CAMTA1: variants seen among roughly 807,000 people sequenced by gnomAD.
CAMTA1 encodes calmodulin-binding transcription activator 1.
Under a neutral mutation model 170.9 loss-of-function variants are expected in CAMTA1, and 27 were observed. The observed-to-expected ratio is 0.16, with a 90% CI of 0.12 to 0.22. The LOEUF (loss-of-function observed/expected upper bound fraction) is 0.22, where lower values mean the gene tolerates loss of function less well. Ranked by LOEUF, CAMTA1 falls within the 10% of genes least tolerant of loss-of-function variation. The pLI is 1.00. For missense variants in CAMTA1, 1,619 were observed against 2,217.2 expected (o/e 0.73, Z 5.42); for synonymous variants, 833 against 891.5 (o/e 0.93, Z 1.17).
intron 3 of CAMTA1, among the ~76,000 whole-genome samples, chr1:7,000,967 C>G (rs1276345765): frequency 6.6e-6 from 1 of 152,122 alleles, no homozygotes; most frequent in Admixed American, 6.5e-5. Flanking sequence ...TTTAAGAAAC[C>G]CAGTTCCCAC....
Position 7,041,197 on chromosome 1 carries a change from C to T in CAMTA1, c.235-50107C>T, listed in dbSNP as rs35031503. Among the ~76,000 whole-genome samples the T allele has an allele frequency of 0.19, 28,644 of 152,252 alleles. 2,929 individuals carry two copies. Among genetic ancestry groups the T allele is most frequent in the Non-Finnish European group, 0.24 (16,661 of 68,010 alleles). ...AGCCACCCTTGGTTCATTTTCTACA[C>T]GAGGCCCCACACGGCCCCGGAGCTG... On this transcript the variant is annotated intron_variant, in intron 3 of 22. Coordinates refer to ENST00000303635, the MANE Select transcript of CAMTA1 (RefSeq NM_015215.4). The surrounding 1 kb of genome is among the most constrained non-coding windows in gnomAD (Gnocchi z 5.1).
intron 4 of CAMTA1, among the ~76,000 whole-genome samples, chr1:7,138,754 G>A (rs1313336242): frequency 6.6e-6 from 1 of 152,046 alleles, no homozygotes; most frequent in African/African-American, 2.4e-5. Context: ...CAGCACTTTG[G>A]GAGACCAAGG....
chr1:6,842,885 T>C (rs530437285), intron 3 of CAMTA1, among the ~76,000 whole-genome samples: 9 of 151,636 alleles, frequency 5.9e-5, no homozygotes, highest in African/African-American at 1.9e-4. Context: ...GGTCGTGCCA[T>C]TGCACTCCAG....
chr1:7,705,499 A>G (rs1268175844), intron 11 of CAMTA1, among the ~76,000 whole-genome samples: 2 of 141,622 alleles, frequency 1.4e-5, no homozygotes, highest in Admixed American at 6.9e-5. Context: ...GAGGGCGGGG[A>G]CGAGCGTGTC....
intron 7 of CAMTA1, among the ~76,000 whole-genome samples, chr1:7,643,525 A>C (rs898601209): frequency 6.6e-6 from 1 of 152,180 alleles, no homozygotes; most frequent in African/African-American, 2.4e-5. Context: ...CTGCCCATCC[A>C]TCAGACAGGA....
chr1:6,954,013 C>T (rs951490485), intron 3 of CAMTA1, among the ~76,000 whole-genome samples: 1 of 152,180 alleles, frequency 6.6e-6, no homozygotes, highest in African/African-American at 2.4e-5. Flanking sequence ...GAGGGACGCT[C>T]AGGCCCCTGC....
intron 3 of CAMTA1, among the ~76,000 whole-genome samples, chr1:7,049,240 G>A (rs1033161926): frequency 3.9e-5 from 6 of 152,122 alleles, no homozygotes; most frequent in Non-Finnish European, 7.4e-5. Flanking sequence ...AGAGGAAACT[G>A]CCCAGTCAGA....
At chr1:7,405,558 G>C (rs2090227677) in intron 5 of CAMTA1, among the ~76,000 whole-genome samples, 1 of 151,440 alleles carries the variant, frequency 6.6e-6, no homozygotes, top group African/African-American at 2.4e-5. Context: ...TTTTTTTAGA[G>C]ACAGGGGATC....
At chr1:7,369,976 C>T (rs920040912) in intron 5 of CAMTA1, 7 of 152,286 alleles carry the variant, frequency 4.6e-5, no homozygotes, top group African/African-American at 1.7e-4. Context: ...CTTCTCACCC[C>T]GGGTCAAGGT....
At chr1:7,398,156 T>TCG (rs2089486249) in intron 5 of CAMTA1, among the ~76,000 whole-genome samples, 4 of 23,666 alleles carry the variant, frequency 1.7e-4, no homozygotes, top group African/African-American at 3.9e-4. Context: ...ATAATATTGC[T>TCG]CTCTCTCTCT....
intron 3 of CAMTA1, among the ~76,000 whole-genome samples, chr1:6,921,311 T>G (rs1681960137): frequency 6.6e-6 from 1 of 152,232 alleles, no homozygotes; most frequent in Non-Finnish European, 1.5e-5. Context: ...TCACCTTTAT[T>G]CCAATTCCCA....
chr1:7,084,753 G>A (rs1278738445), intron 3 of CAMTA1, among the ~76,000 whole-genome samples: 1 of 152,184 alleles, frequency 6.6e-6, no homozygotes, highest in Non-Finnish European at 1.5e-5. Flanking sequence ...CCAGTACGGC[G>A]GCCATGTGTG....
chr1:7,440,030 C>T (rs1193226), intron 5 of CAMTA1, among the ~76,000 whole-genome samples: 5 of 152,140 alleles, frequency 3.3e-5, no homozygotes, highest in Non-Finnish European at 7.4e-5. Flanking sequence ...GCTCCTGGAA[C>T]GCAGGCAGCA....
intron 3 of CAMTA1, among the ~76,000 whole-genome samples, chr1:6,960,947 TG>T (rs1690292157): frequency 6.6e-6 from 1 of 152,234 alleles, no homozygotes; most frequent in Non-Finnish European, 1.5e-5. Flanking sequence ...GTGAGGACAC[TG>T]AGGCTCAGAG....
chr1:7,315,823 G>A (rs1048026541), intron 5 of CAMTA1, among the ~76,000 whole-genome samples: 1 of 152,156 alleles, frequency 6.6e-6, no homozygotes, highest in African/African-American at 2.4e-5. Flanking sequence ...GCACTCTGGT[G>A]TTCTCCCTGT....
At chr1:7,149,488 T>G (rs1362824570) in intron 4 of CAMTA1, among the ~76,000 whole-genome samples, 1 of 152,182 alleles carries the variant, frequency 6.6e-6, no homozygotes, top group Non-Finnish European at 1.5e-5. Context: ...CTCAGGCTGG[T>G]AGTCTGGTTT....
At chr1:7,737,690 T>A in intron 15 of CAMTA1, 120 bp downstream of exon 15, 1 of 1,057,234 alleles carries the variant, frequency 9.5e-7, no homozygotes, top group Non-Finnish European at 1.3e-6. Context: ...TGTTAATGTT[T>A]CTGATTTTTC....
Position 7,103,876 on chromosome 1 carries a change from TAC to T in CAMTA1, c.302+12511_302+12512del, listed in dbSNP as rs1174023747. Among the ~76,000 whole-genome samples the T allele has an allele frequency of 2.4e-4, 28 of 117,700 alleles. 1 individual carries two copies. The highest frequency in any genetic ancestry group is 9.4e-4 in the African/African-American group (28 of 29,886). The allele number at this position is 117,700 out of a possible 152,430, so 77.2% of individuals were successfully genotyped here. A position where few individuals can be genotyped will look rare whatever the true frequency, so the allele number is the denominator to read the frequency against. ...CAACACACATACACACACACACAAC[TAC>T]ACACATGTACACACAACACACAACT... is the stretch of plus-strand genomic sequence containing the variant. On this transcript the variant is annotated intron_variant, in intron 4 of 22. Transcript: ENST00000303635.
intron 5 of CAMTA1, among the ~76,000 whole-genome samples, chr1:7,306,087 G>T (rs1413032794): frequency 6.6e-6 from 1 of 151,980 alleles, no homozygotes; most frequent in Non-Finnish European, 1.5e-5. Flanking sequence ...TTCATTATCT[G>T]AAAAGTGTCT....
Sources: gnomAD v4.1 joint callset for allele counts (sites outside exome capture counted in the v4.1 genomes callset) on GRCh38, gnomAD v4.1.1 for gene constraint, Gnocchi (gnomAD v3.1) non-coding constraint, MANE v1.5 for transcripts, NCBI Gene and HGNC (gene_info 2026-07-23, HGNC 2026-07-21) for gene names.